Variants in CRISP3 observed in about 807,000 individuals in gnomAD.
CRISP3 encodes the protein cysteine rich secretory protein 3.
CRISP3 carries 33 observed loss-of-function variants against 36.1 expected under a neutral mutation model. The observed-to-expected ratio is 0.91, with a 90% CI of 0.69 to 1.22. The LOEUF (loss-of-function observed/expected upper bound fraction) is 1.22. Ranked by LOEUF, CRISP3 falls within the 50% of genes most tolerant of loss-of-function variation. The pLI is 0.00. For synonymous variants in CRISP3, 117 were observed against 104.6 expected (o/e 1.12, Z -0.72); for missense variants, 330 against 301.2 (o/e 1.10, Z -0.71).
chr6:49,733,416 T>C (rs1389749682), intron 5 of CRISP3, 124 bp from the exon 6 acceptor site: 6 of 674,988 alleles, frequency 8.9e-6, no homozygotes, highest in East Asian at 8.0e-5. Flanking sequence ...ATATACCTTA[T>C]GGCTATATTT....
rs1352157012 is a variant in CRISP3 at position 49,728,305 on chromosome 6, T to C, written c.*425A>G. ...AAAACGTCTTTGAAGATGCTTAGCC[T>C]TAGAGTGGAGCTAGGAAAGGCAACT... On this transcript the variant is annotated 3_prime_UTR_variant, in exon 8 of 8. Transcript: ENST00000263045. The C allele has an allele frequency of 1.3e-5, 2 of 153,124 alleles. No individual in the cohort carries two copies. The highest frequency in any genetic ancestry group is 1.5e-5 in the Non-Finnish European group (1 of 68,722). The allele number at this position is 153,124 out of a possible 1,614,324, so 9.5% of individuals were successfully genotyped here.
chr6:49,730,661 T>G (rs1768892036), intron 7 of CRISP3, among the ~76,000 whole-genome samples: 1 of 152,150 alleles, frequency 6.6e-6, no homozygotes, highest in African/African-American at 2.4e-5. Context: ...ATGGTAAGTG[T>G]TTCAACAGGT....
chr6:49,741,399 C>T (rs1769198086), intron 1 of CRISP3, among the ~76,000 whole-genome samples: 1 of 151,818 alleles, frequency 6.6e-6, no homozygotes, highest in African/African-American at 2.4e-5. Flanking sequence ...AATACATAAG[C>T]CCACTTCATA....
intron 4 of CRISP3, among the ~76,000 whole-genome samples, chr6:49,734,356 A>C (rs1031434965): frequency 6.6e-6 from 1 of 152,164 alleles, no homozygotes; most frequent in Non-Finnish European, 1.5e-5. Context: ...AAGAGCCCTA[A>C]ACATGAAGCA....
intron 1 of CRISP3, among the ~76,000 whole-genome samples, chr6:49,743,775 A>G (rs1769264271): frequency 1.3e-5 from 2 of 150,392 alleles, no homozygotes; most frequent in African/African-American, 4.8e-5. Flanking sequence ...AAAAACTTCT[A>G]AAAGCCTTTT....
intron 1 of CRISP3, among the ~76,000 whole-genome samples, chr6:49,738,087 A>G (rs1769105999): frequency 6.6e-6 from 1 of 152,172 alleles, no homozygotes; most frequent in South Asian, 2.1e-4. Context: ...TCTGGATCTT[A>G]AAACAAAAAG....
Position 49,731,578 on chromosome 6 carries a change from C to A in CRISP3, c.561-327G>T, listed in dbSNP as rs521489. Among the ~76,000 whole-genome samples the A allele has an allele frequency of 8.8e-3, 1,335 of 152,060 alleles. 14 individuals carry two copies. Among genetic ancestry groups the A allele is most frequent in the African/African-American group, 0.03 (1,244 of 41,480 alleles). The stretch of plus-strand genomic sequence containing the variant: ...TTCGTCAAATTGCTAAGATGATGTA[C>A]CACAAGGTGCTGGCAAGGGGTAAAA... On this transcript the variant is annotated intron_variant, in intron 6 of 7. Coordinates refer to ENST00000263045, the MANE Select transcript of CRISP3 (RefSeq NM_006061.4).
At chr6:49,741,742 G>A (rs1582200004) in intron 1 of CRISP3, among the ~76,000 whole-genome samples, 2 of 145,958 alleles carry the variant, frequency 1.4e-5, no homozygotes, top group South Asian at 2.1e-4. Context: ...ATTTAATATT[G>A]GGAACAAGAA....
intron 7 of CRISP3, among the ~76,000 whole-genome samples, chr6:49,729,484 T>C (rs887228115): frequency 6.6e-6 from 1 of 152,174 alleles, no homozygotes; most frequent in African/African-American, 2.4e-5. Context: ...TCTACTTGGA[T>C]GTCCTTCAGT....
chr6:49,735,244 T>C (rs905029121), intron 4 of CRISP3, among the ~76,000 whole-genome samples: 5 of 152,100 alleles, frequency 3.3e-5, no homozygotes, highest in Admixed American at 6.6e-5. Context: ...GGGAAAGAGA[T>C]GATCTGTAAC....
At chr6:49,742,938 G>A (rs1223869684) in intron 1 of CRISP3, among the ~76,000 whole-genome samples, 1 of 152,064 alleles carries the variant, frequency 6.6e-6, no homozygotes, top group African/African-American at 2.4e-5. Flanking sequence ...TGCACTATAG[G>A]TATAGACACA....
chr6:49,735,117 C>T, intron 4 of CRISP3, among the ~76,000 whole-genome samples: 1 of 152,062 alleles, frequency 6.6e-6, no homozygotes, highest in Non-Finnish European at 1.5e-5. Context: ...TGCATATTGT[C>T]ACTAAAAAGG....
At chr6:49,741,146 A>AC in intron 1 of CRISP3, among the ~76,000 whole-genome samples, 2 of 81,014 alleles carry the variant, frequency 2.5e-5, no homozygotes, top group East Asian at 2.8e-4. Context: ...ACAAAAAAAA[A>AC]CCACCAAAAA....
chr6:49,742,631 C>CAAAAAAAAAAAA (rs33995764), intron 1 of CRISP3, among the ~76,000 whole-genome samples: 1 of 71,236 alleles, frequency 1.4e-5, no homozygotes, highest in Non-Finnish European at 2.8e-5. Context: ...GACTCCATCT[C>CAAAAAAAAAAAA]AAAAAAAAAA....
intron 1 of CRISP3, among the ~76,000 whole-genome samples, chr6:49,740,627 A>C (rs1044087495): frequency 9.1e-6 from 1 of 110,330 alleles, no homozygotes; most frequent in Non-Finnish European, 1.8e-5. Context: ...TGTATAGTGA[A>C]TGTGAAGGAG....
Position 49,737,412 on chromosome 6 carries a change from A to C in CRISP3, c.38-14T>G. ...ATAATGTCATTGCTGGGAAAACAAA[A>C]CCGGTGGAACAGGGATCTGCATTAA... On this transcript the variant is annotated splice_polypyrimidine_tract_variant and intron_variant, in intron 1 of 7. Coordinates refer to ENST00000263045, the MANE Select transcript of CRISP3 (RefSeq NM_006061.4). The C allele has an allele frequency of 1.2e-6, 2 of 1,613,920 alleles. No individual in the cohort carries two copies. The highest frequency in any genetic ancestry group is 2.2e-5 in the South Asian group (2 of 91,056).
intron 6 of CRISP3, among the ~76,000 whole-genome samples, chr6:49,732,535 A>T (rs946239120): frequency 6.6e-6 from 1 of 152,184 alleles, no homozygotes; most frequent in African/African-American, 2.4e-5. Flanking sequence ...TGAGAAAAAA[A>T]AGTGGACTTT....
In CRISP3 at chr6:49,733,806, C is replaced by T; in HGVS notation, c.359G>A (p.Ser120Asn). The T allele has an allele frequency of 6.2e-7, 1 of 1,613,812 alleles. No homozygotes were observed. The highest frequency in any genetic ancestry group is 1.3e-5 in the African/African-American group (1 of 75,016). Residue 120 changes from serine (S) to asparagine (N), a missense_variant, in exon 5 of 8, where the codon AGC (serine) becomes AAC (asparagine). Ser to Asn is a conservative substitution (Grantham distance 46). Transcript: ENST00000263045. ...GCTTTGGATTGCTTGTGACCATGAG[C>T]TGGAGGCACTTGACATGTAGAGATT... ...GENLYMSSAS[S>N]SWSQAIQSWF...
At chr6:49,734,583 T>C (rs1057110599) in intron 4 of CRISP3, among the ~76,000 whole-genome samples, 1 of 152,164 alleles carries the variant, frequency 6.6e-6, no homozygotes, top group African/African-American at 2.4e-5. Context: ...AAACTACCTT[T>C]GTATAGCTCC....
Sources: allele counts gnomAD v4.1 joint callset (sites outside exome capture counted in the v4.1 genomes callset), GRCh38; gene constraint gnomAD v4.1.1; transcripts MANE v1.5; gene names NCBI Gene and HGNC (gene_info 2026-07-23, HGNC 2026-07-21).